Variants in ZC3H7A observed in about 807,000 individuals in gnomAD.
The protein encoded by ZC3H7A is zinc finger CCCH-type containing 7A, also known as zinc finger CCCH domain-containing protein 7A.
ZC3H7A carries 44 observed loss-of-function variants against 125.5 expected under a neutral mutation model. The ratio of observed to expected loss-of-function variants is 0.35; its 90% CI spans 0.28 to 0.45. The LOEUF is 0.45. Among genes scored for constraint, ZC3H7A ranks in the 20% least tolerant of loss-of-function variants. The pLI is 1.00. For synonymous variants in ZC3H7A, 399 were observed against 391.2 expected (o/e 1.02, Z -0.23); for missense variants, 977 against 1,170.7 (o/e 0.83, Z 2.41).
At chr16:11,768,816 C>T (rs557502685) in intron 11 of ZC3H7A, among the ~76,000 whole-genome samples, 1 of 152,168 alleles carries the variant, frequency 6.6e-6, no homozygotes, top group Non-Finnish European at 1.5e-5. Context: ...AAGCCTCTTA[C>T]ATTGTCTGCA....
At chr16:11,756,477 A>G in intron 20 of ZC3H7A, 107 bp from the exon 21 acceptor site, 2 of 1,355,696 alleles carry the variant, frequency 1.5e-6, no homozygotes, top group Non-Finnish European at 2.0e-6. Flanking sequence ...AAAGAAACTC[A>G]AGGGGGCTGA....
chr16:11,766,080 A>C (rs1442695041), intron 13 of ZC3H7A, among the ~76,000 whole-genome samples: 1 of 151,574 alleles, frequency 6.6e-6, no homozygotes, highest in African/African-American at 2.4e-5. Flanking sequence ...TGATTCTCTC[A>C]TGGACCACAC....
Position 11,765,435 on chromosome 16 carries a change from C to A in ZC3H7A, c.1719+54G>T. 7.0e-7 allele frequency: 1 copy of A among 1,429,612 alleles called. No individual in the cohort carries two copies. The highest frequency in any genetic ancestry group is 1.3e-5 in the South Asian group (1 of 77,782). 88.6% of individuals were successfully genotyped at this position (1,429,612 alleles called of 1,614,324 possible). ...GTTTTATCACATGGCAGGACAATAC[C>A]ACTGGGCTTGCAAATTCAACTTTAC... On this transcript the variant is annotated intron_variant, in intron 14 of 22. Coordinates refer to ENST00000355758, the MANE Select transcript of ZC3H7A (RefSeq NM_014153.4). This position sits in a 1 kb window ranked among gnomAD's most constrained non-coding sequence, Gnocchi z 4.8.
chr16:11,793,606 C>G (rs1375860255), intron 1 of ZC3H7A, among the ~76,000 whole-genome samples: 1 of 152,104 alleles, frequency 6.6e-6, no homozygotes, highest in Non-Finnish European at 1.5e-5. Flanking sequence ...AGACTGAAGC[C>G]TGTGTAATAT....
rs751969727 is a variant in ZC3H7A at position 11,774,477 on chromosome 16, A to G, written c.662T>C (p.Leu221Ser). The G allele has an allele frequency of 3.2e-6, 5 of 1,582,686 alleles. No individual in the cohort carries two copies. In the Admixed American group the frequency reaches 5.3e-5, roughly 17 times the overall value. The part of the protein sequence containing the change: ...PRQEAVPVVS[L>S]PAPSFSHEVG... ...TTCATGAGAAAAACTGGGTGCCGGT[A>G]AAGAGACAACAGGAACTGCTTCTTG... Residue 221 changes from leucine (L) to serine (S), a missense_variant, in exon 9 of 23, where the codon TTA (leucine) becomes TCA (serine). By Grantham distance (145) the Leu-to-Ser change is moderately radical. Around this residue, in one of 3 missense-constraint regions of ZC3H7A, gnomAD observed 342 missense variants for 311.3 expected, o/e 1.10. Transcript: ENST00000355758.
rs2052792216 is a variant in ZC3H7A, at chr16:11,763,633, G to A, written c.1847C>T (p.Thr616Ile). The change falls in exon 16 of 23, where the codon ACA becomes ATA. Residue 616 changes from threonine to isoleucine, a missense_variant. Thr to Ile is a moderately conservative substitution (Grantham distance 89, BLOSUM62 -1). Coordinates refer to ENST00000355758, the MANE Select transcript of ZC3H7A (RefSeq NM_014153.4). ...NKCLVHILRE[T>I]TVKYSKIRSF... ...ACGTATTTTGGAGTATTTTACTGTT[G>A]TCTCTCGCAAAATGTGGACAAGGCA... The A allele has an allele frequency of 2.5e-6, 4 of 1,586,964 alleles. No homozygotes were observed. The highest frequency in any genetic ancestry group is 1.4e-5 in the African/African-American group (1 of 73,430).
intron 12 of ZC3H7A, among the ~76,000 whole-genome samples, chr16:11,767,779 A>G (rs1449152481): frequency 6.6e-6 from 1 of 152,184 alleles, no homozygotes; most frequent in Admixed American, 6.5e-5. Flanking sequence ...ACAATGTTCT[A>G]TTCAACTCCA....
chr16:11,779,195 T>C lies in ZC3H7A; in HGVS notation c.277A>G (p.Ile93Val), dbSNP rs1232675030. Residue 93 changes from isoleucine to valine, a missense_variant, in exon 4 of 23, where the codon ATA becomes GTA. This residue lies in a region of ZC3H7A where 199 missense variants were observed against 256.1 expected (regional missense o/e 0.78). Transcript: ENST00000355758. The part of the protein sequence containing the change: ...IPKEIIEKLY[I>V]NRIACYSNMG... ...TTAGAATAGCAGGCAATACGATTTA[T>C]ATATAGTTTTTCAATTATTTCTTTG... 1.2e-6 allele frequency: 2 copies of C among 1,606,240 alleles called. No homozygotes were observed. Among genetic ancestry groups the C allele is most frequent in the South Asian group, 1.1e-5 (1 of 90,466 alleles).
At chr16:11,757,227 G>A (rs1039140094) in intron 20 of ZC3H7A, among the ~76,000 whole-genome samples, 1 of 152,128 alleles carries the variant, frequency 6.6e-6, no homozygotes, top group Non-Finnish European at 1.5e-5. Flanking sequence ...GCTCACGCCT[G>A]TAATCCCAGC....
Position 11,771,028 on chromosome 16 carries a change from G to A in ZC3H7A, c.904-41C>T, listed in dbSNP as rs118076078. 1.1e-4 allele frequency: 169 copies of A among 1,561,960 alleles called. 1 individual carries two copies. The highest frequency in any genetic ancestry group is 1.4e-4 in the Non-Finnish European group (164 of 1,152,518). ...AGATGTGATTAAAATTCATGAAGCT[G>A]TCATGGGTTTGGCTGAACTACTTTC... On this transcript the variant is annotated intron_variant, in intron 9 of 22. Transcript: ENST00000355758.
chr16:11,796,959 G>C (rs959256722), intron 1 of ZC3H7A, 165 bp downstream of exon 1: 37 of 148,280 alleles, frequency 2.5e-4, no homozygotes, highest in African/African-American at 8.6e-4. Flanking sequence ...GCTCCTCTCA[G>C]GGTCCTCTCG....
intron 1 of ZC3H7A, among the ~76,000 whole-genome samples, chr16:11,792,719 G>C (rs933412379): frequency 6.6e-6 from 1 of 152,194 alleles, no homozygotes; most frequent in African/African-American, 2.4e-5. Context: ...ATTACACCTA[G>C]GAAGTAGCAG....
intron 9 of ZC3H7A, among the ~76,000 whole-genome samples, chr16:11,772,888 G>A (rs1055164437): frequency 6.6e-6 from 1 of 151,742 alleles, no homozygotes; most frequent in Non-Finnish European, 1.5e-5. Context: ...GGTAGAGGCA[G>A]GGTTTTGCCA....
chr16:11,771,486 C>G (rs1052560012), intron 9 of ZC3H7A, among the ~76,000 whole-genome samples: 8 of 151,296 alleles, frequency 5.3e-5, no homozygotes, highest in Non-Finnish European at 1.0e-4. Flanking sequence ...TTTTTAAAAA[C>G]AATTGAGGTG....
Position 11,765,081 on chromosome 16 carries a change from C to T in ZC3H7A, c.1792G>A (p.Val598Ile). 1 of 1,588,628 alleles carries T rather than the reference C, an allele frequency of 6.3e-7. No individual in the cohort carries two copies. Among genetic ancestry groups the T allele is most frequent in the South Asian group, 1.2e-5 (1 of 86,748 alleles). ...KDNSTACSHP[V>I]TKHEFEDNKC... The stretch of plus-strand genomic sequence containing the variant: ...TTGTCTTCAAACTCATGCTTTGTAA[C>T]CGGGTGAGAACAAGCAGTAGAATTA... Residue 598 changes from valine to isoleucine, a missense_variant, in exon 15 of 23, where the codon GTT becomes ATT. Transcript: ENST00000355758. This position sits in a 1 kb window ranked among gnomAD's most constrained non-coding sequence, Gnocchi z 4.8.
At chr16:11,752,622 T>C (rs757282770) in intron 22 of ZC3H7A, 47 bp downstream of exon 22, 8 of 1,579,022 alleles carry the variant, frequency 5.1e-6, no homozygotes, top group South Asian at 2.3e-5. Flanking sequence ...CCATGAAAAT[T>C]TGAGGTCAGC....
intron 1 of ZC3H7A, among the ~76,000 whole-genome samples, chr16:11,788,318 C>G (rs2053290356): frequency 6.6e-6 from 1 of 152,170 alleles, no homozygotes; most frequent in South Asian, 2.1e-4. Flanking sequence ...GAGCCATACT[C>G]TCCCATAGAG....
chr16:11,752,063 G>A (rs145842761), intron 22 of ZC3H7A, among the ~76,000 whole-genome samples: 6,451 of 151,558 alleles, frequency 0.043, 482 homozygotes, highest in African/African-American at 0.15. Flanking sequence ...CTGCCACCAC[G>A]CCCGGCTAAT....
chr16:11,776,637 A>G, intron 5 of ZC3H7A, 105 bp from the exon 6 acceptor site: 1 of 1,495,060 alleles, frequency 6.7e-7, no homozygotes. Context: ...CTTCATTAGC[A>G]TTTATACCCA....
Sources: gnomAD v4.1 joint callset for allele counts (sites outside exome capture counted in the v4.1 genomes callset) on GRCh38, gnomAD v4.1.1 for gene constraint, gnomAD v4.1.1 regional missense constraint, Gnocchi (gnomAD v3.1) non-coding constraint, MANE v1.5 for transcripts, NCBI Gene and HGNC (gene_info 2026-07-23, HGNC 2026-07-21) for gene names.